The following CACNA1E variants were observed in gnomAD, a reference collection of about 807,000 sequenced individuals.
CACNA1E encodes the protein calcium voltage-gated channel subunit alpha1 E.
Under a neutral mutation model 259.2 loss-of-function variants are expected in CACNA1E, and 40 were observed. The ratio of observed to expected loss-of-function variants is 0.15; its 90% confidence interval spans 0.12 to 0.20. CACNA1E has a LOEUF of 0.20. Ranked by LOEUF, CACNA1E falls within the 10% of genes least tolerant of loss-of-function variation. The probability of loss-of-function intolerance (pLI) is 1.00; values close to 1 mark genes in which losing one functional copy is unlikely to be tolerated. For synonymous variants in CACNA1E, 1,104 were observed against 1,138.5 expected (o/e 0.97, Z 0.61); for missense variants, 1,874 against 3,040.1 (o/e 0.62, Z 9.02).
intron 3 of CACNA1E, among the ~76,000 whole-genome samples, chr1:181,520,794 A>G (rs1238232284): frequency 6.6e-6 from 1 of 152,120 alleles, no homozygotes; most frequent in Admixed American, 6.5e-5. Flanking sequence ...TTTATTTTAA[A>G]TTTTTCTAAC....
At chr1:181,782,943 A>G (rs1419045631) in intron 39 of CACNA1E, among the ~76,000 whole-genome samples, 1 of 152,106 alleles carries the variant, frequency 6.6e-6, no homozygotes, top group South Asian at 2.1e-4. Context: ...GGATTTGGCC[A>G]TTTCAGTGTG....
chr1:181,755,588 G>T (rs2102683366), intron 28 of CACNA1E, among the ~76,000 whole-genome samples, 191 bp downstream of exon 28: 1 of 152,198 alleles, frequency 6.6e-6, no homozygotes, highest in South Asian at 2.1e-4. Context: ...AAACTTGAGT[G>T]TAAAATATCT....
chr1:181,768,536 C>T (rs1659218698), intron 35 of CACNA1E, among the ~76,000 whole-genome samples: 3 of 152,200 alleles, frequency 2.0e-5, no homozygotes, highest in African/African-American at 2.4e-5. Flanking sequence ...ATGTTCATAA[C>T]TCTATACTGT....
intron 2 of CACNA1E, among the ~76,000 whole-genome samples, chr1:181,429,605 G>A (rs1659568680): frequency 6.6e-6 from 1 of 152,186 alleles, no homozygotes; most frequent in Admixed American, 6.5e-5. Context: ...CCTTTCTGGG[G>A]CTGAGGACAC....
chr1:181,508,049 G>T (rs1039279300), intron 1 of CACNA1E, among the ~76,000 whole-genome samples: 1 of 152,090 alleles, frequency 6.6e-6, no homozygotes, highest in Non-Finnish European at 1.5e-5. Flanking sequence ...AGGCTGCCCA[G>T]GTATGTTCCT....
chr1:181,347,080 A>T (rs904749217), intron 1 of CACNA1E, among the ~76,000 whole-genome samples: 7 of 152,086 alleles, frequency 4.6e-5, no homozygotes, highest in African/African-American at 1.7e-4. Context: ...CCTTCCTGTT[A>T]GCACCAAGGA....
chr1:181,484,864 C>G (rs1238151109), intron 1 of CACNA1E, among the ~76,000 whole-genome samples: 2 of 152,212 alleles, frequency 1.3e-5, no homozygotes, highest in African/African-American at 4.8e-5. Flanking sequence ...TCCCTAGCTC[C>G]AAAGGAACTG....
intron 43 of CACNA1E, among the ~76,000 whole-genome samples, chr1:181,789,851 C>A (rs1661145201): frequency 6.6e-6 from 1 of 152,216 alleles, no homozygotes; most frequent in South Asian, 2.1e-4. Flanking sequence ...TAAACCTCTT[C>A]CTACATTGCC....
intron 2 of CACNA1E, among the ~76,000 whole-genome samples, chr1:181,455,732 T>TC (rs761164385): frequency 1.2e-4 from 19 of 152,244 alleles, no homozygotes; most frequent in Non-Finnish European, 1.8e-4. Context: ...TTCTTTTTTT[T>TC]CATCCTTGAC....
rs113555415 is a variant in CACNA1E, at chr1:181,550,884, AT to A, written c.513-26878del. Among the ~76,000 whole-genome samples the A allele has an allele frequency of 8.7e-3, 1,320 of 152,160 alleles. 25 individuals are homozygous for A. Among genetic ancestry groups the A allele is most frequent in the African/African-American group, 0.03 (1,258 of 41,492 alleles). The stretch of plus-strand genomic sequence containing the variant: ...CCGAGTGTAAAGGATCGGTGCCTTA[AT>A]TTTAGCAAGGCTCTGAGCCCCTTGG... On this transcript the variant is annotated intron_variant, in intron 3 of 47. Coordinates refer to ENST00000367573, the MANE Select transcript of CACNA1E (RefSeq NM_001205293.3).
chr1:181,375,660 C>G (rs1234181461), intron 1 of CACNA1E, among the ~76,000 whole-genome samples: 1 of 152,280 alleles, frequency 6.6e-6, no homozygotes, highest in African/African-American at 2.4e-5. Context: ...GATGAGGAAA[C>G]AGAGACACAG....
At chr1:181,514,428 C>G (rs1666395767) in intron 3 of CACNA1E, among the ~76,000 whole-genome samples, 2 of 152,190 alleles carry the variant, frequency 1.3e-5, no homozygotes, top group Non-Finnish European at 2.9e-5. Context: ...AAGATCACAC[C>G]TGCCTCTTAA....
intron 7 of CACNA1E, among the ~76,000 whole-genome samples, chr1:181,666,878 G>T (rs536442217): frequency 2.6e-5 from 4 of 152,142 alleles, no homozygotes; most frequent in Admixed American, 6.5e-5. Context: ...TTGAGTTGGA[G>T]CCCCATCTTA....
chr1:181,515,904 AG>A (rs547997599), intron 3 of CACNA1E, among the ~76,000 whole-genome samples: 70 of 152,284 alleles, frequency 4.6e-4, no homozygotes, highest in Middle Eastern at 3.4e-3. Context: ...TCTTGTCTAT[AG>A]GATACAAAAA....
intron 1 of CACNA1E, among the ~76,000 whole-genome samples, chr1:181,379,534 T>G (rs1655321682): frequency 6.6e-6 from 1 of 152,182 alleles, no homozygotes; most frequent in Non-Finnish European, 1.5e-5. Context: ...TATTGCAATT[T>G]GGTAGGCTGG....
chr1:181,432,575 A>G lies in CACNA1E; in HGVS notation c.434+18995A>G, dbSNP rs956110172. Among the ~76,000 whole-genome samples, 10 of 152,290 alleles carry G rather than the reference A, an allele frequency of 6.6e-5. No individual in the cohort carries two copies. The South Asian group carries it at 1.5e-3, about 22-fold the overall frequency. On this transcript the variant is annotated intron_variant, in intron 2 of 11. Transcript: ENST00000524607. Reference sequence around the variant, plus strand: ...AGAACATCAGATAAAAATAACATCAATTTTCCACAGAGAAACCAAATATGT... The same window carrying G: ...AGAACATCAGATAAAAATAACATCAGTTTTCCACAGAGAAACCAAATATGT...
intron 25 of CACNA1E, among the ~76,000 whole-genome samples, chr1:181,740,569 ACTCCCAG>A (rs1253620430): frequency 6.6e-6 from 1 of 151,982 alleles, no homozygotes; most frequent in Non-Finnish European, 1.5e-5. Context: ...TACAAGATAC[ACTCCCAG>A]CTGTGCTAGG....
chr1:181,583,103 TACACACACACACACAC>T (rs34193608), intron 6 of CACNA1E, among the ~76,000 whole-genome samples: 69 of 145,086 alleles, frequency 4.8e-4, no homozygotes, highest in African/African-American at 1.6e-3. Flanking sequence ...GGACTGTTCC[TACACACACACACACAC>T]ACACACACAC....
intron 6 of CACNA1E, among the ~76,000 whole-genome samples, chr1:181,645,203 T>A (rs1658153690): frequency 6.6e-6 from 1 of 152,182 alleles, no homozygotes; most frequent in Non-Finnish European, 1.5e-5. Flanking sequence ...AAGTGATTGT[T>A]CTAAAAGTTG....
Sources: allele counts gnomAD v4.1 joint callset (sites outside exome capture counted in the v4.1 genomes callset), GRCh38; gene constraint gnomAD v4.1.1; transcripts MANE v1.5; gene names NCBI Gene and HGNC (gene_info 2026-07-23, HGNC 2026-07-21).